PMM2: variants seen among roughly 807,000 people sequenced by gnomAD.
PMM2 encodes mannose-6-phosphate isomerase.
PMM2 carries 35 observed loss-of-function variants against 33.2 expected under a neutral mutation model. The ratio of observed to expected loss-of-function variants is 1.06; its 90% confidence interval spans 0.81 to 1.40. PMM2 has a LOEUF of 1.40. PMM2 is among the 40% of genes most tolerant of loss of function. The pLI is 0.00. For synonymous variants in PMM2, 153 were observed against 114.7 expected (o/e 1.33, Z -2.13); for missense variants, 386 against 306.0 (o/e 1.26, Z -1.95).
chr16:8,828,431 A>C (rs1220824491), intron 7 of PMM2, among the ~76,000 whole-genome samples: 1 of 152,158 alleles, frequency 6.6e-6, no homozygotes, highest in East Asian at 1.9e-4. Flanking sequence ...GCAAAGCTTC[A>C]GCTACTGAGC....
chr16:8,801,053 A>G (rs1384055871), intron 1 of PMM2, among the ~76,000 whole-genome samples: 2 of 152,238 alleles, frequency 1.3e-5, no homozygotes, highest in African/African-American at 2.4e-5. Flanking sequence ...TAAATGGAGT[A>G]TAGTGTAGCA....
intron 7 of PMM2, among the ~76,000 whole-genome samples, chr16:8,826,373 A>G (rs2141032894): frequency 6.6e-6 from 1 of 152,312 alleles, no homozygotes; most frequent in East Asian, 1.9e-4. Flanking sequence ...ACAGGACAGA[A>G]CTGCAGATAA....
In PMM2 at chr16:8,848,697, CT is replaced by C. The variant is rs1364791476; in HGVS notation, c.*873del. 1.3e-5 allele frequency: 2 copies of C among 152,246 alleles called. No homozygotes were observed. Among genetic ancestry groups the C allele is most frequent in the Non-Finnish European group, 2.9e-5 (2 of 68,098 alleles). 9.4% of individuals were successfully genotyped at this position (152,246 alleles called of 1,614,324 possible). On this transcript the variant is annotated 3_prime_UTR_variant, in exon 8 of 8. Coordinates refer to ENST00000268261, the MANE Select transcript of PMM2 (RefSeq NM_000303.3). ...CACCAAAAGGACTTTCTGGTTGCCC[CT>C]GGCTGGCTTCCTGGAGGCGTTCGCC...
intron 7 of PMM2, among the ~76,000 whole-genome samples, chr16:8,837,806 A>T (rs1596503371): frequency 6.6e-6 from 1 of 152,180 alleles, no homozygotes; most frequent in African/African-American, 2.4e-5. Context: ...CACCTTTGAA[A>T]CGTGGGTAAA....
At chr16:8,829,229 T>G (rs557619843) in intron 7 of PMM2, 13 of 152,316 alleles carry the variant, frequency 8.5e-5, no homozygotes, top group African/African-American at 3.1e-4. Context: ...TGTTTTCCAT[T>G]CATACACGGC....
At chr16:8,846,295 C>T (rs369046160) in intron 7 of PMM2, among the ~76,000 whole-genome samples, 1 of 152,150 alleles carries the variant, frequency 6.6e-6, no homozygotes, top group Non-Finnish European at 1.5e-5. Flanking sequence ...ATTTTTGGTA[C>T]AAAATCATGG....
intron 7 of PMM2, among the ~76,000 whole-genome samples, chr16:8,834,826 T>G (rs939190692): frequency 2.0e-5 from 3 of 151,864 alleles, no homozygotes; most frequent in Admixed American, 6.6e-5. Flanking sequence ...GAAGGAAATA[T>G]GGGGAAATGG....
At chr16:8,835,349 G>A (rs34752066) in intron 7 of PMM2, among the ~76,000 whole-genome samples, 21,732 of 151,860 alleles carry the variant, frequency 0.14, 1,764 homozygotes, top group East Asian at 0.24. Flanking sequence ...AACAGATGGG[G>A]ATGAAATTTG....
At chr16:8,828,184 A>C (rs1373042351) in intron 7 of PMM2, among the ~76,000 whole-genome samples, 5 of 151,674 alleles carry the variant, frequency 3.3e-5, no homozygotes, top group Admixed American at 3.3e-4. Flanking sequence ...TAACTACAGA[A>C]GTATAAGATG....
chr16:8,834,301 C>G (rs1382051675), intron 7 of PMM2, among the ~76,000 whole-genome samples: 4 of 152,110 alleles, frequency 2.6e-5, no homozygotes, highest in Admixed American at 6.5e-5. Context: ...GAAGGTTCCA[C>G]TGAATACTAA....
chr16:8,835,727 T>A lies in PMM2; in HGVS notation c.640-11997T>A, dbSNP rs187009787. ...AAAAGGCCATGCTGTAGCAGGCGAGTGATAACAGGCTTTAATCCTTTTAAA... is the reference window on the plus strand; with the variant it reads ...AAAAGGCCATGCTGTAGCAGGCGAGAGATAACAGGCTTTAATCCTTTTAAA... On this transcript the variant is annotated intron_variant, in intron 7 of 7. Transcript: ENST00000268261. Among the ~76,000 whole-genome samples the A allele has an allele frequency of 6.6e-4, 100 of 151,874 alleles. 1 individual carries two copies. The highest frequency in any genetic ancestry group is 2.2e-3 in the African/African-American group (92 of 41,460).
Position 8,811,704 on chromosome 16 carries a change from T to A in PMM2, c.514T>A (p.Phe172Ile), listed in dbSNP as rs2060678938. The part of the protein sequence containing the change: ...RKEFAGKGLT[F>I]SIGGQISFDV... Reference sequence around the variant, plus strand: ...AGAGTTTGCTGGAAAAGGCCTCACGTTTTCCATAGGTATTGTATATATTGC... The same window carrying A: ...AGAGTTTGCTGGAAAAGGCCTCACGATTTCCATAGGTATTGTATATATTGC... Residue 172 changes from phenylalanine (F) to isoleucine (I), a missense_variant, in exon 6 of 8, where the codon TTT (phenylalanine) becomes ATT (isoleucine). Transcript: ENST00000268261. 6.2e-7 allele frequency: 1 copy of A among 1,608,082 alleles called. No individual in the cohort carries two copies. Among genetic ancestry groups the A allele is most frequent in the African/African-American group, 1.3e-5 (1 of 74,802 alleles).
intron 4 of PMM2, 163 bp downstream of exon 4, chr16:8,806,570 C>T: frequency 1.5e-6 from 1 of 659,558 alleles, no homozygotes; most frequent in Non-Finnish European, 2.7e-6. Flanking sequence ...GTTCAGAAAG[C>T]CTGAGAGCCG....
At chr16:8,837,941 G>GAATTGA (rs2060862185) in intron 7 of PMM2, among the ~76,000 whole-genome samples, 1 of 152,082 alleles carries the variant, frequency 6.6e-6, no homozygotes, top group South Asian at 2.1e-4. Context: ...AAAATGAAAG[G>GAATTGA]AATTGAAATT....
In PMM2 at chr16:8,804,834, G is replaced by C. The variant is rs2060637692; in HGVS notation, c.246G>C (p.Leu82Phe). Reference protein sequence around the residue: ...GLVAYKDGKLLCRQNIQSHLG... With the variant: ...GLVAYKDGKLFCRQNIQSHLG... Reference sequence around the variant, plus strand: ...TAGCATACAAAGATGGGAAACTCTTGTGTAGACAGGTAGGTTCTTGAGTAT... The same window carrying C: ...TAGCATACAAAGATGGGAAACTCTTCTGTAGACAGGTAGGTTCTTGAGTAT... The change falls in exon 3 of 8, where the codon TTG becomes TTC. Residue 82 changes from leucine to phenylalanine, a missense_variant. Physicochemically the swap from Leu to Phe is conservative, Grantham distance 22 (BLOSUM62 0). Transcript: ENST00000268261. The C allele has an allele frequency of 3.1e-6, 5 of 1,601,606 alleles. No individual in the cohort carries two copies. Among genetic ancestry groups the C allele is most frequent in the African/African-American group, 1.3e-5 (1 of 74,670 alleles).
intron 7 of PMM2, among the ~76,000 whole-genome samples, chr16:8,843,233 G>T (rs376949485): frequency 1.3e-5 from 2 of 152,112 alleles, no homozygotes; most frequent in African/African-American, 4.8e-5. Context: ...AGGCAACATG[G>T]AGTGGGTAGT....
chr16:8,843,336 G>C (rs992821892), intron 7 of PMM2, among the ~76,000 whole-genome samples: 1 of 152,166 alleles, frequency 6.6e-6, no homozygotes, highest in Non-Finnish European at 1.5e-5. Flanking sequence ...CTTCCAAGGC[G>C]ATTGGGCAGC....
chr16:8,801,478 C>G (rs1436101526), intron 1 of PMM2, among the ~76,000 whole-genome samples: 1 of 152,080 alleles, frequency 6.6e-6, no homozygotes, highest in African/African-American at 2.4e-5. Flanking sequence ...CCAGACTGGC[C>G]TGGGCAACAT....
At chr16:8,846,639 TTC>T (rs2060927509) in intron 7 of PMM2, among the ~76,000 whole-genome samples, 1 of 152,054 alleles carries the variant, frequency 6.6e-6, no homozygotes, top group South Asian at 2.1e-4. Context: ...CTTGCAGACT[TTC>T]TGAGGCCTCG....
Sources: allele counts gnomAD v4.1 joint callset (sites outside exome capture counted in the v4.1 genomes callset), GRCh38; gene constraint gnomAD v4.1.1; transcripts MANE v1.5; gene names NCBI Gene and HGNC (gene_info 2026-07-23, HGNC 2026-07-21).